The following PSD3 variants were observed in gnomAD, a reference collection of about 807,000 sequenced individuals.
PSD3 encodes the protein PH and SEC7 domain-containing protein 3.
In PSD3, 49 loss-of-function variants were observed where a neutral mutation model predicts 105.5. The ratio of observed to expected loss-of-function variants is 0.46; its 90% CI spans 0.37 to 0.59. PSD3 has a LOEUF of 0.59. Among genes scored for constraint, PSD3 ranks in the 20% least tolerant of loss-of-function variants. The pLI is 0.00. For missense variants in PSD3, 1,561 were observed against 1,263.8 expected, an observed-to-expected ratio of 1.24 and a Z score of -3.57; for synonymous variants, 557 against 457.8, an observed-to-expected ratio of 1.22 and a Z score of -2.77.
chr8:19,035,361 A>G (rs1195168162), intron 1 of PSD3, among the ~76,000 whole-genome samples: 1 of 152,208 alleles, frequency 6.6e-6, no homozygotes, highest in Non-Finnish European at 1.5e-5. Flanking sequence ...TTGGTAAAGC[A>G]CTATGAACAT....
intron 15 of PSD3, among the ~76,000 whole-genome samples, chr8:18,541,504 A>C (rs1294804905): frequency 6.6e-6 from 1 of 152,146 alleles, no homozygotes; most frequent in East Asian, 1.9e-4. Context: ...GTTTTTCACA[A>C]AAATGCTAAG....
At chr8:18,864,151 G>A (rs974849570) in intron 4 of PSD3, among the ~76,000 whole-genome samples, 1 of 152,170 alleles carries the variant, frequency 6.6e-6, no homozygotes, top group Non-Finnish European at 1.5e-5. Context: ...GAAGATATCT[G>A]GTCTTGTTCT....
chr8:19,071,990 G>A (rs10103665), intron 1 of PSD3, among the ~76,000 whole-genome samples: 26,524 of 150,514 alleles, frequency 0.18, 2,552 homozygotes, highest in African/African-American at 0.25. Flanking sequence ...GATTCCAGGC[G>A]TAAGCCACCA....
chr8:18,982,202 C>T (rs550807228), intron 1 of PSD3, among the ~76,000 whole-genome samples: 1 of 152,332 alleles, frequency 6.6e-6, no homozygotes, highest in Non-Finnish European at 1.5e-5. Flanking sequence ...AGAAGCTACT[C>T]CTCATCCACT....
chr8:18,848,576 G>T (rs893921376), intron 4 of PSD3, among the ~76,000 whole-genome samples: 1 of 152,244 alleles, frequency 6.6e-6, no homozygotes, highest in Non-Finnish European at 1.5e-5. Context: ...CGCTTAATAA[G>T]ACTGCGGCTC....
intron 9 of PSD3, among the ~76,000 whole-genome samples, chr8:18,677,615 T>C (rs1339664006): frequency 6.6e-6 from 1 of 152,112 alleles, no homozygotes; most frequent in Non-Finnish European, 1.5e-5. Context: ...CAGTTATCGA[T>C]AATATGAAAA....
At chr8:18,565,394 T>A (rs899575545) in intron 14 of PSD3, among the ~76,000 whole-genome samples, 2 of 152,164 alleles carry the variant, frequency 1.3e-5, no homozygotes, top group South Asian at 2.1e-4. Flanking sequence ...AGCACTGTCA[T>A]GAAAAACAAA....
chr8:18,938,983 C>T (rs1365599), intron 1 of PSD3, among the ~76,000 whole-genome samples: 150,202 of 152,294 alleles, frequency 0.99, 74,108 homozygotes, highest in Middle Eastern at 1. Context: ...AGAGCCTACA[C>T]TGGGGCTTCC....
At chr8:18,951,131 A>T (rs1823211389) in intron 1 of PSD3, among the ~76,000 whole-genome samples, 1 of 152,224 alleles carries the variant, frequency 6.6e-6, no homozygotes. Context: ...ATGGTGGCTC[A>T]TACCTACGAT....
At chr8:18,644,837 C>T (rs1807913671) in intron 10 of PSD3, among the ~76,000 whole-genome samples, 1 of 152,190 alleles carries the variant, frequency 6.6e-6, no homozygotes, top group Admixed American at 6.5e-5. Context: ...AAGAATTCCA[C>T]AAACTGCATA....
intron 1 of PSD3, among the ~76,000 whole-genome samples, chr8:19,035,145 T>C (rs7817819): frequency 0.023 from 3,457 of 152,310 alleles, 150 homozygotes; most frequent in African/African-American, 0.078. Context: ...TGATATTGCA[T>C]GTGTCTATGT....
intron 1 of PSD3, among the ~76,000 whole-genome samples, chr8:19,029,143 G>A (rs186301579): frequency 6.6e-6 from 1 of 151,964 alleles, no homozygotes; most frequent in Admixed American, 6.6e-5. Flanking sequence ...ACTCCTCTAG[G>A]TTCTTTGTAT....
At chr8:18,744,327 G>A (rs1427150538) in intron 9 of PSD3, among the ~76,000 whole-genome samples, 1 of 152,088 alleles carries the variant, frequency 6.6e-6, no homozygotes, top group East Asian at 1.9e-4. Flanking sequence ...CACAGAATTG[G>A]TGCTAAGTAT....
intron 1 of PSD3, among the ~76,000 whole-genome samples, chr8:18,972,203 A>G (rs751110240): frequency 2.6e-5 from 4 of 152,198 alleles, no homozygotes; most frequent in Non-Finnish European, 5.9e-5. Context: ...CCTTCTGTCA[A>G]CTAGGCTCCT....
At position 18,912,208 on chromosome 8, in the gene PSD3, G is replaced by A. The variant is rs920471542; in HGVS notation, c.130+23826C>T. On this transcript the variant is annotated intron_variant, in intron 2 of 15. Transcript: ENST00000327040. ...GTCATAATGAGATTAAGATATAACA[G>A]GGAATATTTGTACACCACTGGGATT... Among the ~76,000 whole-genome samples the A allele has an allele frequency of 2.0e-5, 3 of 152,112 alleles. No individual in the cohort carries two copies. In the South Asian group the frequency reaches 6.2e-4, roughly 32 times the overall value.
At chr8:19,069,230 G>C (rs7814851) in intron 1 of PSD3, among the ~76,000 whole-genome samples, 253 of 152,266 alleles carry the variant, frequency 1.7e-3, no homozygotes, top group African/African-American at 5.8e-3. Context: ...ATGACACAGG[G>C]GAGTTTTAAA....
rs548847666 is a variant in PSD3, at chr8:18,910,188, G to A, written c.130+25846C>T. ...TGCTGCTATAAAGACACATGCACAC[G>A]TATGTTTATTGCGGCACTATTCACA... On this transcript the variant is annotated intron_variant, in intron 2 of 15. Transcript: ENST00000327040. Among the ~76,000 whole-genome samples the A allele has an allele frequency of 2.4e-4, 36 of 151,266 alleles. No individual in the cohort carries two copies. In the South Asian group the frequency reaches 6.1e-3, roughly 26 times the overall value.
At chr8:19,047,082 G>A (rs1203568019) in intron 1 of PSD3, among the ~76,000 whole-genome samples, 1 of 152,196 alleles carries the variant, frequency 6.6e-6, no homozygotes, top group Admixed American at 6.5e-5. Flanking sequence ...GTTGCCAGCA[G>A]GCCTCTTATT....
chr8:18,956,688 A>T (rs10102347), intron 1 of PSD3, among the ~76,000 whole-genome samples: 149,945 of 152,314 alleles, frequency 0.98, 73,846 homozygotes, highest in Middle Eastern at 1. Flanking sequence ...CAGTTTTGGT[A>T]AATATAGCAC....
Sources: gnomAD v4.1 joint callset for allele counts (sites outside exome capture counted in the v4.1 genomes callset) on GRCh38, gnomAD v4.1.1 for gene constraint, MANE v1.5 for transcripts, NCBI Gene and HGNC (gene_info 2026-07-23, HGNC 2026-07-21) for gene names.